GAS7: variants seen among roughly 807,000 people sequenced by gnomAD.
The protein encoded by GAS7 is growth arrest-specific protein 7.
In GAS7, 28 loss-of-function variants were observed where a neutral mutation model predicts 71.1. The ratio of observed to expected loss-of-function variants is 0.39; its 90% CI spans 0.29 to 0.54. The LOEUF (loss-of-function observed/expected upper bound fraction) is 0.54, where lower values mean the gene tolerates loss of function less well. GAS7 is among the 20% of genes least tolerant of loss of function. GAS7 has a pLI of 0.62. For missense variants in GAS7, 436 were observed against 627.8 expected, an observed-to-expected ratio of 0.69 and a Z score of 3.27; for synonymous variants, 258 against 245.8, an observed-to-expected ratio of 1.05 and a Z score of -0.46.
intron 1 of GAS7, among the ~76,000 whole-genome samples, chr17:10,122,798 A>C (rs561135204): frequency 6.6e-6 from 1 of 152,314 alleles, no homozygotes; most frequent in African/African-American, 2.4e-5. Flanking sequence ...CCCATGTTTA[A>C]ACATAAAATA....
chr17:10,066,666 C>T (rs1285137590), intron 1 of GAS7, among the ~76,000 whole-genome samples: 1 of 152,172 alleles, frequency 6.6e-6, no homozygotes, highest in Non-Finnish European at 1.5e-5. Flanking sequence ...AAACAGTTAA[C>T]TGTTTATTTC....
chr17:9,915,354 C>T lies in GAS7; in HGVS notation c.*1874G>A, dbSNP rs2067554809. The T allele has an allele frequency of 4.3e-6, 1 of 231,092 alleles. No homozygotes were observed. The allele number at this position is 231,092 out of a possible 1,614,324, so 14.3% of individuals were successfully genotyped here. A position where few individuals can be genotyped will look rare whatever the true frequency, so the allele number is the denominator to read the frequency against. ...GCCACAAAGCAATTACCACTAGCAC[C>T]CATTTTTCATAAAGAAACCAAGAAA... On this transcript the variant is annotated 3_prime_UTR_variant, in exon 14 of 14. Transcript: ENST00000432992.
chr17:10,182,574 GTTCACC>G (rs2074424561), intron 1 of GAS7, among the ~76,000 whole-genome samples: 1 of 152,218 alleles, frequency 6.6e-6, no homozygotes, highest in Admixed American at 6.5e-5. Context: ...CAATTTTGGG[GTTCACC>G]CTGTGACAGA....
intron 4 of GAS7, among the ~76,000 whole-genome samples, chr17:9,961,476 G>A (rs2069490915): frequency 6.6e-6 from 1 of 152,194 alleles, no homozygotes; most frequent in Non-Finnish European, 1.5e-5. Flanking sequence ...CTGTCTTCCT[G>A]TCATGGACAC....
chr17:10,134,813 T>G (rs1242080775), intron 1 of GAS7, among the ~76,000 whole-genome samples: 1 of 151,870 alleles, frequency 6.6e-6, no homozygotes, highest in Non-Finnish European at 1.5e-5. Flanking sequence ...CTCGGGGCAG[T>G]TCTGCACTCA....
intron 9 of GAS7, among the ~76,000 whole-genome samples, chr17:9,928,173 C>T (rs1260186556): frequency 6.6e-6 from 1 of 151,838 alleles, no homozygotes; most frequent in South Asian, 2.1e-4. Context: ...AGTGCAGCGA[C>T]GCGATCTCGG....
intron 1 of GAS7, among the ~76,000 whole-genome samples, chr17:10,158,620 A>G (rs2074224996): frequency 1.3e-5 from 2 of 152,282 alleles, no homozygotes; most frequent in East Asian, 3.9e-4. Context: ...GATTGATGGA[A>G]GGATAGAAGG....
intron 1 of GAS7, among the ~76,000 whole-genome samples, chr17:10,111,712 C>A (rs1424349969): frequency 6.6e-6 from 1 of 152,070 alleles, no homozygotes; most frequent in African/African-American, 2.4e-5. Context: ...TTAAGGGAGG[C>A]CTATATTCCA....
intron 1 of GAS7, among the ~76,000 whole-genome samples, chr17:10,058,202 C>T (rs1316558442): frequency 6.6e-6 from 1 of 152,120 alleles, no homozygotes; most frequent in Non-Finnish European, 1.5e-5. Context: ...TCCTATGACC[C>T]TGCCAAATCT....
rs2070083734 is a variant in GAS7 at position 9,974,081 on chromosome 17, C to T, written c.386-4319G>A. Among the ~76,000 whole-genome samples, 1 of 152,156 alleles carries T rather than the reference C, an allele frequency of 6.6e-6. No individual in the cohort carries two copies. Among genetic ancestry groups the T allele is most frequent in the African/African-American group, 2.4e-5 (1 of 41,424 alleles). On this transcript the variant is annotated intron_variant, in intron 3 of 13. Transcript: ENST00000432992. The surrounding 1 kb of genome is among the most constrained non-coding windows in gnomAD (Gnocchi z 4.0). ...CGCCAGGAACTGTCTAAAGAGGAGA[C>T]ATTTTGCCCCTAATCCAATCCCTTG...
At chr17:10,072,739 C>T (rs965447480) in intron 1 of GAS7, among the ~76,000 whole-genome samples, 3 of 152,174 alleles carry the variant, frequency 2.0e-5, no homozygotes, top group Non-Finnish European at 4.4e-5. Flanking sequence ...GACGGCTTGC[C>T]AGCACCGTTT....
chr17:9,973,133 T>A (rs2152121938), intron 3 of GAS7, among the ~76,000 whole-genome samples: 1 of 152,304 alleles, frequency 6.6e-6, no homozygotes, highest in East Asian at 1.9e-4. Flanking sequence ...GCTGGTTCTG[T>A]GTGTGTGCAT....
chr17:10,005,214 C>A (rs201041516), intron 2 of GAS7, among the ~76,000 whole-genome samples: 1 of 147,394 alleles, frequency 6.8e-6, no homozygotes, highest in Non-Finnish European at 1.5e-5. Flanking sequence ...TGTGCATGTG[C>A]GCGTGTGCAT....
Position 9,916,773 on chromosome 17 carries a change from T to C in GAS7, c.*455A>G, listed in dbSNP as rs1386629979. The stretch of plus-strand genomic sequence containing the variant: ...ATTCTGGGTGCGGCTGTGAGCTGAA[T>C]GGCACCTTCTACCCATGATTCTGAT... On this transcript the variant is annotated 3_prime_UTR_variant, in exon 14 of 14. Coordinates refer to ENST00000432992, the MANE Select transcript of GAS7 (RefSeq NM_201433.2). 1.3e-5 allele frequency: 5 copies of C among 399,580 alleles called. No homozygotes were observed. Among genetic ancestry groups the C allele is most frequent in the African/African-American group, 6.2e-5 (3 of 48,684 alleles). The allele number at this position is 399,580 out of a possible 1,614,324, so 24.8% of individuals were successfully genotyped here.
intron 2 of GAS7, among the ~76,000 whole-genome samples, chr17:10,017,902 C>T (rs2152202941): frequency 6.6e-6 from 1 of 152,308 alleles, no homozygotes; most frequent in Middle Eastern, 3.4e-3. Context: ...CATAAGAAAG[C>T]TGTCACCAGT....
At chr17:9,923,146 A>G (rs899421473) in intron 11 of GAS7, among the ~76,000 whole-genome samples, 2 of 152,164 alleles carry the variant, frequency 1.3e-5, no homozygotes, top group African/African-American at 4.8e-5. Context: ...TGACCTCGTG[A>G]TCTGCCCGCC....
intron 1 of GAS7, among the ~76,000 whole-genome samples, chr17:10,133,059 CT>C (rs2074009702): frequency 6.6e-6 from 1 of 151,578 alleles, no homozygotes; most frequent in South Asian, 2.1e-4. Flanking sequence ...ACATATACCC[CT>C]CCCTTCAAAA....
chr17:9,933,065 G>A (rs990500801), intron 9 of GAS7, among the ~76,000 whole-genome samples: 2 of 152,012 alleles, frequency 1.3e-5, no homozygotes, highest in East Asian at 1.9e-4. Flanking sequence ...CCAGCTACTC[G>A]GGAGGCTGAG....
intron 5 of GAS7, 68 bp from the exon 6 acceptor site, chr17:9,947,051 C>A: frequency 1.9e-6 from 2 of 1,050,422 alleles, no homozygotes; most frequent in East Asian, 2.4e-5. Flanking sequence ...GCTTCGGCTC[C>A]TGGGGGACAC....
Sources: allele counts gnomAD v4.1 joint callset (sites outside exome capture counted in the v4.1 genomes callset), GRCh38; gene constraint gnomAD v4.1.1; non-coding constraint Gnocchi (gnomAD v3.1); transcripts MANE v1.5; gene names NCBI Gene and HGNC (gene_info 2026-07-23, HGNC 2026-07-21).